Variants in UACA observed in about 807,000 individuals in gnomAD.
The protein encoded by UACA is nuclear membrane binding protein.
UACA carries 112 observed loss-of-function variants against 160.5 expected under a neutral mutation model. The observed-to-expected ratio is 0.70, with a 90% CI of 0.60 to 0.82. The LOEUF is 0.82. UACA is among the 40% of genes least tolerant of loss of function. The probability of loss-of-function intolerance (pLI) is 0.00; values close to 1 mark genes in which losing one functional copy is unlikely to be tolerated. For synonymous variants in UACA, 557 were observed against 568.4 expected, an observed-to-expected ratio of 0.98 and a Z score of 0.29; for missense variants, 1,574 against 1,614.6, an observed-to-expected ratio of 0.97 and a Z score of 0.43.
rs1198301540 is a variant in UACA, at chr15:70,669,156, C to G, written c.1528G>C (p.Glu510Gln). Reference sequence around the variant, plus strand: ...GTCTGCATTTGTTTAACTTTACCTTCTGACTCATACATCCTCTTCTGCACA... The same window carrying G: ...GTCTGCATTTGTTTAACTTTACCTTGTGACTCATACATCCTCTTCTGCACA... Reference protein sequence around the residue: ...KDVQKRMYESEGKVKQMQTHF... With the variant: ...KDVQKRMYESQGKVKQMQTHF... The change falls in exon 16 of 19, where the codon GAA (glutamate) becomes CAA (glutamine). Residue 510 changes from glutamate (E) to glutamine (Q), a missense_variant. Glu to Gln is a conservative substitution (Grantham distance 29, BLOSUM62 2). Coordinates refer to ENST00000322954, the MANE Select transcript of UACA (RefSeq NM_018003.4). The G allele has an allele frequency of 4.3e-6, 7 of 1,613,972 alleles. No individual in the cohort carries two copies.
rs1331647421 is a variant in UACA, at chr15:70,664,975, A to G, written c.3961-161T>C. 4.3e-5 allele frequency: 22 copies of G among 510,486 alleles called. No homozygotes were observed. In the Admixed American group the frequency reaches 4.8e-4, roughly 11 times the overall value. 31.6% of individuals were successfully genotyped at this position (510,486 alleles called of 1,614,324 possible). ...AAGACTGTTACCAAGGATGTATACA[A>G]TATGTAATTTATAATTAAATCCCTC... On this transcript the variant is annotated intron_variant, in intron 16 of 18. Coordinates refer to ENST00000322954, the MANE Select transcript of UACA (RefSeq NM_018003.4).
intron 1 of UACA, among the ~76,000 whole-genome samples, chr15:70,748,330 T>G (rs1454852495): frequency 1.3e-5 from 2 of 152,200 alleles, no homozygotes; most frequent in South Asian, 4.1e-4. Flanking sequence ...TACACCACTA[T>G]GCACGTGACC....
intron 1 of UACA, among the ~76,000 whole-genome samples, chr15:70,728,010 C>G (rs2140993642): frequency 6.6e-6 from 1 of 152,242 alleles, no homozygotes; most frequent in Middle Eastern, 3.4e-3. Flanking sequence ...AGCATTGATA[C>G]TGGTACAAAA....
chr15:70,687,326 C>G (rs1897760434), intron 7 of UACA, among the ~76,000 whole-genome samples: 1 of 152,118 alleles, frequency 6.6e-6, no homozygotes, highest in African/African-American at 2.4e-5. Flanking sequence ...TCACATTAAC[C>G]CTGTCATCTT....
intron 1 of UACA, among the ~76,000 whole-genome samples, chr15:70,716,084 C>G (rs986168177): frequency 2.0e-5 from 3 of 152,138 alleles, no homozygotes; most frequent in African/African-American, 4.8e-5. Flanking sequence ...TTTCCTCATC[C>G]GTTGAATCCT....
Position 70,667,539 on chromosome 15 carries a change from CT to C in UACA, c.3144del (p.Val1049PhefsTer13). The C allele has an allele frequency of 6.2e-7, 1 of 1,612,918 alleles. No homozygotes were observed. Among genetic ancestry groups the C allele is most frequent in the Non-Finnish European group, 8.5e-7 (1 of 1,179,956 alleles). ...FTLQKDLRDK[T>X]VLIEKSHEME... The stretch of plus-strand genomic sequence containing the variant: ...ATTTCATGAGACTTCTCAATGAGAA[CT>C]GTCTTATCTCTCAAATCTTTCTGAA... On this transcript the variant is annotated frameshift_variant, in exon 16 of 19. Coordinates refer to ENST00000322954, the MANE Select transcript of UACA (RefSeq NM_018003.4). LOFTEE classifies it high-confidence loss of function.
rs181011660 is a variant in UACA at position 70,756,995 on chromosome 15, G to A, written c.78+6335C>T. Among the ~76,000 whole-genome samples, 280 of 152,186 alleles carry A rather than the reference G, an allele frequency of 1.8e-3. 4 individuals carry two copies. Among genetic ancestry groups the A allele is most frequent in the Non-Finnish European group, 4.6e-4 (31 of 68,006 alleles). On this transcript the variant is annotated intron_variant, in intron 1 of 18. Coordinates refer to ENST00000322954, the MANE Select transcript of UACA (RefSeq NM_018003.4). ...ATCCAGCTGATGATTATATTTCCTC[G>A]ATTGTTTCATAAACTTTTACTTTTT... is the stretch of plus-strand genomic sequence containing the variant.
intron 9 of UACA, among the ~76,000 whole-genome samples, chr15:70,680,668 C>T (rs1027090740): frequency 2.6e-5 from 4 of 152,194 alleles, no homozygotes; most frequent in Admixed American, 6.5e-5. Flanking sequence ...CCAGCCTTCA[C>T]TTCAGCATCC....
Position 70,668,447 on chromosome 15 carries a change from G to A in UACA, c.2237C>T (p.Pro746Leu). 1 of 1,612,030 alleles carries A rather than the reference G, an allele frequency of 6.2e-7. No homozygotes were observed. Among genetic ancestry groups the A allele is most frequent in the Non-Finnish European group, 8.5e-7 (1 of 1,179,822 alleles). ...LTIEMKNHYV[P>L]LKVSEDMKKS... is the part of the protein sequence containing the mutation. ...TTTCATGTCTTCACTTACTTTTAAAGGAACATAATGATTTTTCATTTCAAT... is the reference window on the plus strand; with the variant it reads ...TTTCATGTCTTCACTTACTTTTAAAAGAACATAATGATTTTTCATTTCAAT... Residue 746 changes from proline (P) to leucine (L), a missense_variant, in exon 16 of 19, where the codon CCT becomes CTT. Transcript: ENST00000322954.
chr15:70,757,155 C>T (rs971353270), intron 1 of UACA, among the ~76,000 whole-genome samples: 4 of 152,118 alleles, frequency 2.6e-5, no homozygotes, highest in Admixed American at 2.6e-4. Context: ...TTTTAAGAAA[C>T]CATTTCATTT....
the UACA span, among the ~76,000 whole-genome samples, chr15:70,778,527 T>C: frequency 2.0e-5 from 3 of 152,342 alleles, no homozygotes; most frequent in South Asian, 6.2e-4. Context: ...TCTCTCTGAC[T>C]CTGAACTCAG....
At chr15:70,680,705 A>T (rs1897468411) in intron 9 of UACA, among the ~76,000 whole-genome samples, 1 of 152,080 alleles carries the variant, frequency 6.6e-6, no homozygotes, top group African/African-American at 2.4e-5. Context: ...CTATATCCTA[A>T]CTCAGACATA....
chr15:70,737,850 T>G (rs1487124241), intron 1 of UACA, among the ~76,000 whole-genome samples: 2 of 152,248 alleles, frequency 1.3e-5, no homozygotes, highest in East Asian at 1.9e-4. Context: ...TTACTTAAAG[T>G]AGAAGTGGAG....
In UACA at chr15:70,667,042, T is replaced by C. The variant is rs1056326; in HGVS notation, c.3642A>G (p.Ala1214=). 4 of 1,613,600 alleles carry C rather than the reference T, an allele frequency of 2.5e-6. No individual in the cohort carries two copies. Among genetic ancestry groups the C allele is most frequent in the East Asian group, 2.2e-5 (1 of 44,866 alleles). ...LQSEVQNTKQ[A]LKKLETREVV... is the part of the protein sequence containing the mutation. The stretch of plus-strand genomic sequence containing the variant: ...CCTCTCTAGTCTCTAATTTTTTTAA[T>C]GCTTGTTTAGTATTCTGAACCTCCG... Residue 1214 remains alanine, a synonymous_variant, in exon 16 of 19, where the codon GCA becomes GCG. Coordinates refer to ENST00000322954, the MANE Select transcript of UACA (RefSeq NM_018003.4).
At chr15:70,666,081 A>G (rs370068451) in intron 16 of UACA, among the ~76,000 whole-genome samples, 149 of 152,346 alleles carry the variant, frequency 9.8e-4, no homozygotes, top group Admixed American at 1.8e-3. Flanking sequence ...CTAACAAGGT[A>G]ATATAAATGT....
chr15:70,691,410 T>C (rs1323498576), intron 3 of UACA, 47 bp from the exon 4 acceptor site: 2 of 1,364,886 alleles, frequency 1.5e-6, no homozygotes, highest in Admixed American at 3.9e-5. Flanking sequence ...TCTTCATATG[T>C]AAATTGAGGA....
chr15:70,739,727 G>A (rs927639254), intron 1 of UACA, among the ~76,000 whole-genome samples: 1 of 152,098 alleles, frequency 6.6e-6, no homozygotes, highest in Admixed American at 6.6e-5. Context: ...AGAAGATAAT[G>A]GTGTCAGATG....
intron 2 of UACA, among the ~76,000 whole-genome samples, chr15:70,696,132 T>A (rs978876828): frequency 2.6e-5 from 4 of 152,318 alleles, no homozygotes; most frequent in African/African-American, 9.6e-5. Flanking sequence ...GATACACTCT[T>A]GTAGCCCACT....
intron 17 of UACA, among the ~76,000 whole-genome samples, chr15:70,662,837 C>T (rs1266522612): frequency 6.6e-6 from 1 of 152,112 alleles, no homozygotes; most frequent in African/African-American, 2.4e-5. Context: ...GGATCCCTTC[C>T]TTACACCTTA....
Sources: gnomAD v4.1 joint callset for allele counts (sites outside exome capture counted in the v4.1 genomes callset) on GRCh38, gnomAD v4.1.1 for gene constraint, MANE v1.5 for transcripts, NCBI Gene and HGNC (gene_info 2026-07-23, HGNC 2026-07-21) for gene names.